Variants in PTH1R observed in about 807,000 individuals in gnomAD.
The protein encoded by PTH1R is parathyroid hormone 1 receptor.
A neutral mutation model predicts 70.7 loss-of-function variants in PTH1R; 32 were observed. The observed-to-expected ratio is 0.45, with a 90% confidence interval of 0.34 to 0.61. PTH1R has a LOEUF of 0.61. Ranked by LOEUF, PTH1R falls within the 20% of genes least tolerant of loss-of-function variation. PTH1R has a pLI of 0.01. For synonymous variants in PTH1R, 329 were observed against 324.8 expected (o/e 1.01, Z -0.14); for missense variants, 626 against 792.5 (o/e 0.79, Z 2.52).
Position 46,895,797 on chromosome 3 carries a change from G to C in PTH1R, c.241G>C (p.Asp81His). The part of the protein sequence containing the change: ...SASTSGKPRK[D>H]KASGKLYPES... Reference sequence around the variant, plus strand: ...GTCCACATCAGGGAAGCCCAGGAAAGATAAGGCATCTGGGAAGCTCTACCC... The same window carrying C: ...GTCCACATCAGGGAAGCCCAGGAAACATAAGGCATCTGGGAAGCTCTACCC... The change falls in exon 5 of 16, where the codon GAT becomes CAT. Residue 81 changes from aspartate to histidine, a missense_variant. Physicochemically the swap from Asp to His is moderately conservative, Grantham distance 81 (BLOSUM62 -1). This residue lies in a region of PTH1R where 123 missense variants were observed against 125.7 expected (regional missense o/e 0.98). Transcript: ENST00000449590. 6.2e-7 allele frequency: 1 copy of C among 1,614,192 alleles called. No individual in the cohort carries two copies. The highest frequency in any genetic ancestry group is 8.5e-7 in the Non-Finnish European group (1 of 1,180,050).
chr3:46,888,902 C>T (rs1373805400), intron 3 of PTH1R, among the ~76,000 whole-genome samples: 2 of 152,376 alleles, frequency 1.3e-5, no homozygotes, highest in Non-Finnish European at 2.9e-5. Context: ...TGCCTCTTCC[C>T]CCCCAGCCCC....
rs764106190 is a variant in PTH1R, at chr3:46,899,350, C to T, written c.882C>T (p.Thr294=). The T allele has an allele frequency of 6.2e-7, 1 of 1,613,954 alleles. No homozygotes were observed. Among genetic ancestry groups the T allele is most frequent in the Non-Finnish European group, 8.5e-7 (1 of 1,180,028 alleles). Residue 294 remains threonine, a synonymous_variant, in exon 10 of 16, where the codon ACC becomes ACT. Transcript: ENST00000449590. ...CCTTCTTCCTTTACTTCCTGGCCAC[C>T]AACTACTACTGGATTCTGGTGGAGG... ...AVTFFLYFLA[T]NYYWILVEGL...
rs187585108 is a variant in PTH1R at position 46,895,738 on chromosome 3, G to C, written c.182G>C (p.Ser61Thr). The C allele has an allele frequency of 1.5e-5, 24 of 1,613,990 alleles. No homozygotes were observed. In the East Asian group the frequency reaches 5.1e-4, roughly 34 times the overall value. Reference sequence around the variant, plus strand: ...ATTACCACCCTGGTTTCTCCAGCCAGCATAATGGAATCAGACAAGGGATGG... The same window carrying C: ...ATTACCACCCTGGTTTCTCCAGCCACCATAATGGAATCAGACAAGGGATGG... ...RLKEVLQRPA[S>T]IMESDKGWTS... Residue 61 changes from serine (S) to threonine (T), a missense_variant, in exon 5 of 16, where the codon AGC becomes ACC. By Grantham distance (58) the Ser-to-Thr change is moderately conservative. Coordinates refer to ENST00000449590, the MANE Select transcript of PTH1R (RefSeq NM_000316.3).
rs962418580 is a variant in PTH1R at position 46,903,535 on chromosome 3, C to T, written c.1661C>T (p.Ala554Val). ...ALETLETTPP[A>V]MAAPKDDGFL... ...GAGACCCTCGAGACCACACCACCTG[C>T]CATGGCTGCTCCCAAGGACGATGGG... Residue 554 changes from alanine (A) to valine (V), a missense_variant, in exon 16 of 16, where the codon GCC becomes GTC. Ala to Val is a moderately conservative substitution (Grantham distance 64). Transcript: ENST00000449590. This position sits in a 1 kb window ranked among gnomAD's most constrained non-coding sequence, Gnocchi z 4.4. 1 of 1,613,940 alleles carries T rather than the reference C, an allele frequency of 6.2e-7. No individual in the cohort carries two copies. Among genetic ancestry groups the T allele is most frequent in the Non-Finnish European group, 8.5e-7 (1 of 1,180,042 alleles).
chr3:46,901,789 T>A lies in PTH1R; in HGVS notation c.1140T>A (p.Asn380Lys), dbSNP rs1325918207. The A allele has an allele frequency of 6.2e-7, 1 of 1,613,854 alleles. No homozygotes were observed. The highest frequency in any genetic ancestry group is 2.2e-5 in the East Asian group (1 of 44,884). Residue 380 changes from asparagine to lysine, a missense_variant, in exon 13 of 16, where the codon AAT (asparagine) becomes AAA (lysine). Transcript: ENST00000449590. This position sits in a 1 kb window ranked among gnomAD's most constrained non-coding sequence, Gnocchi z 7.3. ...SIVLNFILFI[N>K]IVRVLATKLR... ...AGCTCAACTTCATCCTCTTCATCAATATCGTCCGGGTGCTCGCCACCAAGC... is the reference window on the plus strand; with the variant it reads ...AGCTCAACTTCATCCTCTTCATCAAAATCGTCCGGGTGCTCGCCACCAAGC...
chr3:46,900,884 C>G, intron 10 of PTH1R, 141 bp from the exon 11 acceptor site: 2 of 923,764 alleles, frequency 2.2e-6, no homozygotes, highest in Non-Finnish European at 3.4e-6. Flanking sequence ...GAGTGTGGCT[C>G]TGTCACCAAG....
Position 46,893,866 on chromosome 3 carries a change from G to T in PTH1R, c.76-41G>T, listed in dbSNP as rs751271181. On this transcript the variant is annotated intron_variant, in intron 3 of 15. Transcript: ENST00000449590. The surrounding 1 kb of genome is among the most constrained non-coding windows in gnomAD (Gnocchi z 5.2). The stretch of plus-strand genomic sequence containing the variant: ...GGATGTCTCTGGGACCTGCTGCTGC[G>T]CCGGAAAGTCCTGCCTGTGGTCTGA... The T allele has an allele frequency of 1.3e-6, 2 of 1,594,432 alleles. No homozygotes were observed. Among genetic ancestry groups the T allele is most frequent in the South Asian group, 2.2e-5 (2 of 89,668 alleles).
intron 7 of PTH1R, 41 bp downstream of exon 7, chr3:46,898,233 C>T: frequency 6.2e-7 from 1 of 1,605,608 alleles, no homozygotes; most frequent in African/African-American, 1.3e-5. Flanking sequence ...AGGATAAATT[C>T]ACTCCCACCC....
intron 3 of PTH1R, among the ~76,000 whole-genome samples, chr3:46,890,496 C>CTTTTTTTTT (rs71619664): frequency 6.9e-5 from 5 of 72,360 alleles, no homozygotes; most frequent in African/African-American, 2.1e-4. Context: ...TTCACAGCAG[C>CTTTTTTTTT]TTTTTTTTTT....
At position 46,891,059 on chromosome 3, in the gene PTH1R, T is replaced by C. The variant is rs1447428558; in HGVS notation, c.76-2848T>C. Among the ~76,000 whole-genome samples the C allele has an allele frequency of 6.6e-6, 1 of 152,248 alleles. No homozygotes were observed. The highest frequency in any genetic ancestry group is 1.5e-5 in the Non-Finnish European group (1 of 68,048). On this transcript the variant is annotated intron_variant, in intron 3 of 15. Transcript: ENST00000449590. This position sits in a 1 kb window ranked among gnomAD's most constrained non-coding sequence, Gnocchi z 4.3. Reference sequence around the variant, plus strand: ...GGTTGTCCTCCTCTTCTTGGGAAAGTGCTTCCTTAACTTTAACATGAGTTA... The same window carrying C: ...GGTTGTCCTCCTCTTCTTGGGAAAGCGCTTCCTTAACTTTAACATGAGTTA...
In PTH1R at chr3:46,879,140, A is replaced by G. The variant is rs2030403910; in HGVS notation, c.-106+1297A>G. On this transcript the variant is annotated intron_variant, in intron 1 of 15. Coordinates refer to ENST00000449590, the MANE Select transcript of PTH1R (RefSeq NM_000316.3). This position sits in a 1 kb window ranked among gnomAD's most constrained non-coding sequence, Gnocchi z 4.7. ...CCCCACCCACAGCTGTGGAATGTCC[A>G]GCAGGGGACTCTGGGGTGAGGCACA... 6.6e-6 allele frequency among the ~76,000 whole-genome samples: 1 copy of G among 152,194 alleles called. No homozygotes were observed. The highest frequency in any genetic ancestry group is 1.9e-4 in the East Asian group (1 of 5,184).
chr3:46,898,639 C>T (rs1352448024), intron 8 of PTH1R, 23 bp from the exon 9 acceptor site: 3 of 1,610,558 alleles, frequency 1.9e-6, no homozygotes, highest in East Asian at 2.2e-5. Context: ...CCCCCACCCA[C>T]GGTCATGTCG....
rs1039359197 is a variant in PTH1R, at chr3:46,896,283, G to C, written c.313+414G>C. Among the ~76,000 whole-genome samples, 1 of 152,120 alleles carries C rather than the reference G, an allele frequency of 6.6e-6. No homozygotes were observed. The highest frequency in any genetic ancestry group is 6.5e-5 in the Admixed American group (1 of 15,274). Reference sequence around the variant, plus strand: ...GAGAGACAGTCACAGAGATAGAGGGGACCAGGAGGCACACACTGAAGTCTG... The same window carrying C: ...GAGAGACAGTCACAGAGATAGAGGGCACCAGGAGGCACACACTGAAGTCTG... On this transcript the variant is annotated intron_variant, in intron 5 of 15. Coordinates refer to ENST00000449590, the MANE Select transcript of PTH1R (RefSeq NM_000316.3). The surrounding 1 kb of genome is among the most constrained non-coding windows in gnomAD (Gnocchi z 4.1).
chr3:46,903,270 G>T lies in PTH1R; in HGVS notation c.1396G>T (p.Val466Leu). Residue 466 changes from valine to leucine, a missense_variant and splice_region_variant, in exon 16 of 16, where the codon GTA (valine) becomes TTA (leucine). By Grantham distance (32) the Val-to-Leu change is conservative. Coordinates refer to ENST00000449590, the MANE Select transcript of PTH1R (RefSeq NM_000316.3). This position sits in a 1 kb window ranked among gnomAD's most constrained non-coding sequence, Gnocchi z 4.4. ...ACTGCCGCACCCTTACTGCCCCAAG[G>T]TACAAGCTGAGATCAAGAAATCTTG... Reference protein sequence around the residue: ...AIIYCFCNGEVQAEIKKSWSR... With the variant: ...AIIYCFCNGELQAEIKKSWSR... 6.2e-7 allele frequency: 1 copy of T among 1,612,686 alleles called. No individual in the cohort carries two copies. Among genetic ancestry groups the T allele is most frequent in the Non-Finnish European group, 8.5e-7 (1 of 1,179,948 alleles).
At position 46,898,713 on chromosome 3, in the gene PTH1R, C is replaced by G. The variant is rs1366648235; in HGVS notation, c.690C>G (p.Phe230Leu). The G allele has an allele frequency of 6.2e-7, 1 of 1,611,938 alleles. No homozygotes were observed. The change falls in exon 9 of 16, where the codon TTC becomes TTG. Residue 230 changes from phenylalanine to leucine, a missense_variant. Transcript: ENST00000449590. ...NYIHMHLFLSFMLRAVSIFVK... is the reference protein window; with the variant it reads ...NYIHMHLFLSLMLRAVSIFVK... Reference sequence around the variant, plus strand: ...TCCACATGCACCTGTTCCTGTCCTTCATGCTGCGCGCCGTGAGCATCTTCG... The same window carrying G: ...TCCACATGCACCTGTTCCTGTCCTTGATGCTGCGCGCCGTGAGCATCTTCG...
At chr3:46,890,637 G>A (rs1380835682) in intron 3 of PTH1R, among the ~76,000 whole-genome samples, 1 of 151,760 alleles carries the variant, frequency 6.6e-6, no homozygotes, top group South Asian at 2.1e-4. Context: ...CGAGTAGCTG[G>A]GATTACAGGC....
intron 4 of PTH1R, among the ~76,000 whole-genome samples, chr3:46,895,083 ACAAACAAAC>A (rs1559533306): frequency 9.1e-5 from 10 of 109,922 alleles, no homozygotes; most frequent in South Asian, 6.6e-4. Context: ...AACAAAAAAA[ACAAACAAAC>A]AAAAAAAAAA....
chr3:46,901,960 G>A lies in PTH1R; in HGVS notation c.1211+100G>A, dbSNP rs1479276548. 7.7e-7 allele frequency: 1 copy of A among 1,293,132 alleles called. No individual in the cohort carries two copies. The highest frequency in any genetic ancestry group is 2.5e-5 in the East Asian group (1 of 40,778). The allele number at this position is 1,293,132 out of a possible 1,614,324, so 80.1% of individuals were successfully genotyped here. On this transcript the variant is annotated intron_variant, in intron 13 of 15. Coordinates refer to ENST00000449590, the MANE Select transcript of PTH1R (RefSeq NM_000316.3). The surrounding 1 kb of genome is among the most constrained non-coding windows in gnomAD (Gnocchi z 7.3). ...ACAGTGGCCCCATGAATGATCCTGG[G>A]GCAAGGGAAAGGACCCAGCGTCTGA...
rs139780221 is a variant in PTH1R, at chr3:46,902,515, C to T, written c.1212-11C>T. On this transcript the variant is annotated splice_polypyrimidine_tract_variant and intron_variant, in intron 13 of 15. Coordinates refer to ENST00000449590, the MANE Select transcript of PTH1R (RefSeq NM_000316.3). This position sits in a 1 kb window ranked among gnomAD's most constrained non-coding sequence, Gnocchi z 5.4. ...TGGCTTGGCCCTGACCTACCTGCCC[C>T]GCTGGCCCAGGAAGCTGCTCAAATC... The T allele has an allele frequency of 7.3e-5, 118 of 1,609,556 alleles. No individual in the cohort carries two copies. In the Middle Eastern group the frequency reaches 8.5e-4, roughly 12 times the overall value.
Sources: gnomAD v4.1 joint callset for allele counts (sites outside exome capture counted in the v4.1 genomes callset) on GRCh38, gnomAD v4.1.1 for gene constraint, gnomAD v4.1.1 regional missense constraint, Gnocchi (gnomAD v3.1) non-coding constraint, MANE v1.5 for transcripts, NCBI Gene and HGNC (gene_info 2026-07-23, HGNC 2026-07-21) for gene names.